MAPK8: variants seen among roughly 807,000 people sequenced by gnomAD.
MAPK8 encodes JUN N-terminal kinase.
A neutral mutation model predicts 52.9 loss-of-function variants in MAPK8; 13 were observed. That is an observed-to-expected ratio of 0.25 (90% CI 0.16 to 0.39). MAPK8 has a LOEUF of 0.39. Among genes scored for constraint, MAPK8 ranks in the 10% least tolerant of loss-of-function variants. MAPK8 has a pLI of 1.00. For missense variants in MAPK8, 300 were observed against 519.2 expected, an observed-to-expected ratio of 0.58 and a Z score of 4.10; for synonymous variants, 191 against 169.8, an observed-to-expected ratio of 1.12 and a Z score of -0.97.
At chr10:48,395,488 A>G (rs1228929119) in intron 1 of MAPK8, among the ~76,000 whole-genome samples, 1 of 152,074 alleles carries the variant, frequency 6.6e-6, no homozygotes, top group East Asian at 1.9e-4. Flanking sequence ...TTAAGTGGGC[A>G]ATGATTTCTT....
At chr10:48,425,820 G>T in intron 7 of MAPK8, 68 bp from the exon 8 acceptor site, 10 of 260,790 alleles carry the variant, frequency 3.8e-5, no homozygotes, top group East Asian at 1.4e-4. Context: ...CTATTTTCTT[G>T]TAATATGAAT....
At chr10:48,402,430 A>G (rs945397114) in intron 2 of MAPK8, among the ~76,000 whole-genome samples, 1 of 152,226 alleles carries the variant, frequency 6.6e-6, no homozygotes, top group Non-Finnish European at 1.5e-5. Context: ...AAGTCAGCTA[A>G]TATCTCACTG....
chr10:48,422,120 C>T (rs976819230), intron 6 of MAPK8, among the ~76,000 whole-genome samples: 3 of 152,046 alleles, frequency 2.0e-5, no homozygotes, highest in African/African-American at 7.2e-5. Context: ...GCAGCCTCCA[C>T]CTCCTGGCTT....
intron 7 of MAPK8, chr10:48,424,474 C>A: frequency 2.3e-6 from 3 of 1,290,140 alleles, no homozygotes; most frequent in South Asian, 2.8e-5. Context: ...TTTATTTTAA[C>A]CAAAATCTTT....
At position 48,384,176 on chromosome 10, in the gene MAPK8, G is replaced by A. The variant is rs117652793; in HGVS notation, c.-49-17436G>A. On this transcript the variant is annotated intron_variant, in intron 1 of 11. Transcript: ENST00000374189. Reference sequence around the variant, plus strand: ...GTGAGGCAGAAGAATCGCTTGAGCCGGAGAGTCAGAGGTTGCAGTGAGCCG... The same window carrying A: ...GTGAGGCAGAAGAATCGCTTGAGCCAGAGAGTCAGAGGTTGCAGTGAGCCG... Among the ~76,000 whole-genome samples, 44 of 152,180 alleles carry A rather than the reference G, an allele frequency of 2.9e-4. No homozygotes were observed. In the East Asian group the frequency reaches 7.2e-3, roughly 25 times the overall value.
chr10:48,345,356 C>T (rs899400097), intron 1 of MAPK8, among the ~76,000 whole-genome samples: 3 of 152,158 alleles, frequency 2.0e-5, no homozygotes, highest in African/African-American at 7.2e-5. Flanking sequence ...ATACAGTTCT[C>T]GGGTTCTTTG....
chr10:48,366,238 A>G (rs1848019570), intron 1 of MAPK8, among the ~76,000 whole-genome samples: 1 of 152,042 alleles, frequency 6.6e-6, no homozygotes, highest in Non-Finnish European at 1.5e-5. Context: ...TTATCTGTGT[A>G]TTGTTAAAAA....
chr10:48,365,547 G>A (rs1978997), intron 1 of MAPK8, among the ~76,000 whole-genome samples: 9,331 of 151,944 alleles, frequency 0.061, 739 homozygotes, highest in Admixed American at 0.24. Context: ...TACTATTACC[G>A]CATTTACACA....
chr10:48,385,200 A>G (rs1011206590), intron 1 of MAPK8, among the ~76,000 whole-genome samples: 4 of 152,206 alleles, frequency 2.6e-5, no homozygotes, highest in African/African-American at 9.7e-5. Flanking sequence ...GTAGTGAGAC[A>G]TGACTACTGT....
At chr10:48,366,639 TCC>T (rs1292344586) in intron 1 of MAPK8, among the ~76,000 whole-genome samples, 1 of 152,162 alleles carries the variant, frequency 6.6e-6, no homozygotes, top group East Asian at 1.9e-4. Flanking sequence ...CAAATATTTA[TCC>T]TTACCACATG....
At chr10:48,312,259 A>G (rs994762532) in intron 1 of MAPK8, among the ~76,000 whole-genome samples, 2 of 152,240 alleles carry the variant, frequency 1.3e-5, no homozygotes, top group Non-Finnish European at 2.9e-5. Context: ...TTGGAATACA[A>G]CAGGGTATCA....
At chr10:48,335,014 T>G (rs1292981859) in intron 1 of MAPK8, among the ~76,000 whole-genome samples, 1 of 152,184 alleles carries the variant, frequency 6.6e-6, no homozygotes, top group East Asian at 1.9e-4. Context: ...GATTTTCCGA[T>G]AGCAAAACTT....
Position 48,435,110 on chromosome 10 carries a change from C to T in MAPK8, c.*81C>T. 9.3e-7 allele frequency: 1 copy of T among 1,078,680 alleles called. No homozygotes were observed. The highest frequency in any genetic ancestry group is 2.7e-5 in the South Asian group (1 of 37,196). The allele number at this position is 1,078,680 out of a possible 1,614,324, so 66.8% of individuals were successfully genotyped here. ...ACTACTTTGAAAACAATTCAGTGGT[C>T]TTATTTTTGGGTGATTTTTCAAAAA... On this transcript the variant is annotated 3_prime_UTR_variant, in exon 12 of 12. Coordinates refer to ENST00000374189, the MANE Select transcript of MAPK8 (RefSeq NM_001323329.2).
chr10:48,396,550 T>G (rs1378070826), intron 1 of MAPK8, among the ~76,000 whole-genome samples: 1 of 152,148 alleles, frequency 6.6e-6, no homozygotes, highest in Non-Finnish European at 1.5e-5. Flanking sequence ...TCTTATAAAA[T>G]TAAACATGGA....
intron 1 of MAPK8, chr10:48,325,944 A>G (rs1352290979): frequency 1.3e-5 from 2 of 152,236 alleles, no homozygotes; most frequent in African/African-American, 4.8e-5. Flanking sequence ...GTAAAGCATC[A>G]TTTCATCACA....
At chr10:48,392,256 A>C (rs2041664909) in intron 1 of MAPK8, among the ~76,000 whole-genome samples, 1 of 152,118 alleles carries the variant, frequency 6.6e-6, no homozygotes, top group Non-Finnish European at 1.5e-5. Flanking sequence ...AAGGCAGGGG[A>C]AGATTAGACT....
At chr10:48,385,766 T>G (rs2041276205) in intron 1 of MAPK8, among the ~76,000 whole-genome samples, 1 of 152,068 alleles carries the variant, frequency 6.6e-6, no homozygotes, top group Admixed American at 6.5e-5. Flanking sequence ...GTCTTCAACT[T>G]AGATTTGTCA....
intron 1 of MAPK8, among the ~76,000 whole-genome samples, chr10:48,392,894 A>G (rs930230665): frequency 1.3e-5 from 2 of 152,136 alleles, no homozygotes; most frequent in Non-Finnish European, 1.5e-5. Flanking sequence ...ATGGCAGCTC[A>G]TTTTAATCTA....
At chr10:48,326,813 G>A (rs933865922) in intron 1 of MAPK8, among the ~76,000 whole-genome samples, 2 of 152,142 alleles carry the variant, frequency 1.3e-5, no homozygotes, top group East Asian at 1.9e-4. Flanking sequence ...CTCCAATAGC[G>A]GGAAACCTGC....
Sources: allele counts gnomAD v4.1 joint callset (sites outside exome capture counted in the v4.1 genomes callset), GRCh38; gene constraint gnomAD v4.1.1; transcripts MANE v1.5; gene names NCBI Gene and HGNC (gene_info 2026-07-23, HGNC 2026-07-21).